Variants in NCOA2 observed in about 807,000 individuals in gnomAD.
NCOA2 encodes class E basic helix-loop-helix protein 75.
Under a neutral mutation model 145.1 loss-of-function variants are expected in NCOA2, and 21 were observed. The observed-to-expected ratio is 0.14, with a 90% CI of 0.10 to 0.21. NCOA2 has a LOEUF of 0.21. Among genes scored for constraint, NCOA2 ranks in the 10% least tolerant of loss-of-function variants. The pLI, the probability that NCOA2 is intolerant of heterozygous loss-of-function variation, is 1.00. For synonymous variants in NCOA2, 619 were observed against 637.5 expected (o/e 0.97, Z 0.44); for missense variants, 1,472 against 1,837.6 (o/e 0.80, Z 3.64).
chr8:70,252,399 A>G (rs571730291), intron 2 of NCOA2, among the ~76,000 whole-genome samples: 30 of 152,340 alleles, frequency 2.0e-4, no homozygotes, highest in African/African-American at 7.0e-4. Flanking sequence ...ACATAGTGAG[A>G]CACTGTATCT....
chr8:70,288,302 C>A (rs564848054), intron 2 of NCOA2, among the ~76,000 whole-genome samples: 2 of 151,938 alleles, frequency 1.3e-5, no homozygotes, highest in East Asian at 3.9e-4. Context: ...GGAAATAGGC[C>A]GGTGTGTGGC....
chr8:70,130,214 T>C (rs1808934013), intron 16 of NCOA2, among the ~76,000 whole-genome samples: 1 of 152,208 alleles, frequency 6.6e-6, no homozygotes, highest in Admixed American at 6.5e-5. Context: ...AACTTTAACA[T>C]GAATACGAAT....
chr8:70,222,884 A>G (rs1420640094), intron 2 of NCOA2, among the ~76,000 whole-genome samples: 1 of 152,168 alleles, frequency 6.6e-6, no homozygotes, highest in African/African-American at 2.4e-5. Flanking sequence ...CATGGGCGAA[A>G]ATGTCTAGTC....
intron 1 of NCOA2, among the ~76,000 whole-genome samples, chr8:70,397,666 C>G (rs999198877): frequency 2.6e-5 from 4 of 152,132 alleles, no homozygotes; most frequent in African/African-American, 9.7e-5. Flanking sequence ...CCATCCTTAC[C>G]ATACACCACA....
intron 16 of NCOA2, 113 bp downstream of exon 16, chr8:70,131,724 A>T: frequency 8.5e-7 from 1 of 1,176,702 alleles, no homozygotes; most frequent in Non-Finnish European, 1.2e-6. Flanking sequence ...AGGTAAAAAA[A>T]ACAACAACAA....
At chr8:70,399,267 C>CA (rs1813996586) in intron 1 of NCOA2, among the ~76,000 whole-genome samples, 1 of 151,794 alleles carries the variant, frequency 6.6e-6, no homozygotes, top group African/African-American at 2.4e-5. Context: ...CCTTTAAAAA[C>CA]AAAAAAGGAA....
chr8:70,227,663 C>T (rs1820771678), intron 2 of NCOA2, among the ~76,000 whole-genome samples: 2 of 152,086 alleles, frequency 1.3e-5, no homozygotes, highest in South Asian at 4.1e-4. Context: ...AAAATGGCAG[C>T]TCTAGATTAA....
chr8:70,389,426 A>T (rs977796421), intron 1 of NCOA2, among the ~76,000 whole-genome samples: 1 of 149,470 alleles, frequency 6.7e-6, no homozygotes, highest in African/African-American at 2.5e-5. Flanking sequence ...GATTACAGGC[A>T]TGCGCCACCA....
chr8:70,219,759 C>T (rs181236286), intron 2 of NCOA2, among the ~76,000 whole-genome samples: 9 of 152,130 alleles, frequency 5.9e-5, no homozygotes, highest in Admixed American at 5.9e-4. Flanking sequence ...GTGGGAGAGC[C>T]GAATAAATAA....
intron 1 of NCOA2, among the ~76,000 whole-genome samples, chr8:70,371,007 G>A (rs2131247379): frequency 6.6e-6 from 1 of 152,310 alleles, no homozygotes; most frequent in African/African-American, 2.4e-5. Flanking sequence ...AAGGTAACCG[G>A]CCGGGCACGG....
intron 4 of NCOA2, among the ~76,000 whole-genome samples, chr8:70,201,063 A>G (rs1817838319): frequency 6.6e-6 from 1 of 151,560 alleles, no homozygotes; most frequent in Non-Finnish European, 1.5e-5. Flanking sequence ...AAAAAAAAAA[A>G]AAAAAAAAAG....
At chr8:70,342,502 G>C (rs1808223779) in intron 1 of NCOA2, among the ~76,000 whole-genome samples, 2 of 151,840 alleles carry the variant, frequency 1.3e-5, no homozygotes, top group South Asian at 4.2e-4. Flanking sequence ...ATGTTAAAAT[G>C]CTTTTGGTTT....
intron 12 of NCOA2, among the ~76,000 whole-genome samples, chr8:70,145,324 A>ATTTTTTCCTTCT: frequency 6.8e-6 from 1 of 147,302 alleles, no homozygotes; most frequent in Non-Finnish European, 1.5e-5. Context: ...TGCCCGGCTA[A>ATTTTTTCCTTCT]TTTTTTCTTT....
At chr8:70,117,135 C>T (rs958450959) in intron 22 of NCOA2, among the ~76,000 whole-genome samples, 2 of 152,264 alleles carry the variant, frequency 1.3e-5, no homozygotes, top group African/African-American at 4.8e-5. Flanking sequence ...CACCAGGATG[C>T]ACGTGAAGGT....
chr8:70,214,384 C>T (rs1011555637), intron 3 of NCOA2, among the ~76,000 whole-genome samples: 1 of 151,940 alleles, frequency 6.6e-6, no homozygotes, highest in Non-Finnish European at 1.5e-5. Context: ...AACAAGTGGG[C>T]ACCAAATTAG....
chr8:70,121,507 G>A (rs1237892015), intron 21 of NCOA2, 116 bp from the exon 22 acceptor site: 1 of 716,268 alleles, frequency 1.4e-6, no homozygotes, highest in Non-Finnish European at 2.5e-6. Flanking sequence ...CGGGGAAAAG[G>A]AACTGCAGAA....
the NCOA2 span, among the ~76,000 whole-genome samples, chr8:70,409,936 G>A: frequency 2.6e-5 from 4 of 151,978 alleles, no homozygotes; most frequent in Non-Finnish European, 4.4e-5. Flanking sequence ...GCAGCCAGGT[G>A]CAGTGGCTCA....
intron 7 of NCOA2, among the ~76,000 whole-genome samples, chr8:70,164,325 A>C (rs1000363414): frequency 3.9e-5 from 6 of 152,214 alleles, no homozygotes; most frequent in African/African-American, 1.4e-4. Flanking sequence ...TACTCTGCAC[A>C]GCCCTTTCCA....
intron 1 of NCOA2, among the ~76,000 whole-genome samples, chr8:70,393,302 C>A (rs1387875450): frequency 3.3e-5 from 5 of 152,162 alleles, no homozygotes; most frequent in Admixed American, 2.0e-4. Context: ...AGGGCACAGG[C>A]CATCAGCATT....
Sources: allele counts gnomAD v4.1 joint callset (sites outside exome capture counted in the v4.1 genomes callset), GRCh38; gene constraint gnomAD v4.1.1; transcripts MANE v1.5; gene names NCBI Gene and HGNC (gene_info 2026-07-23, HGNC 2026-07-21).